The following UBASH3A variants were observed in gnomAD, a reference collection of about 807,000 sequenced individuals.
UBASH3A encodes the protein ubiquitin-associated and SH3 domain-containing protein A.
In UBASH3A, 63 loss-of-function variants were observed where a neutral mutation model predicts 73.5. The observed-to-expected ratio is 0.86, with a 90% confidence interval of 0.70 to 1.06. UBASH3A has a LOEUF of 1.06. UBASH3A is among the 50% of genes least tolerant of loss of function. The probability of loss-of-function intolerance (pLI) is 0.00; values close to 1 mark genes in which losing one functional copy is unlikely to be tolerated. For synonymous variants in UBASH3A, 363 were observed against 351.1 expected, an observed-to-expected ratio of 1.03 and a Z score of -0.38; for missense variants, 860 against 859.0, an observed-to-expected ratio of 1.00 and a Z score of -0.02.
At chr21:42,432,229 G>C in intron 9 of UBASH3A, 27 bp downstream of exon 9, 8 of 1,501,988 alleles carry the variant, frequency 5.3e-6, no homozygotes, top group Non-Finnish European at 7.4e-6. Context: ...CGGGTCTACG[G>C]ACAGAAACAC....
chr21:42,445,873 G>A (rs979006339), intron 14 of UBASH3A, among the ~76,000 whole-genome samples: 4 of 152,118 alleles, frequency 2.6e-5, no homozygotes, highest in Non-Finnish European at 5.9e-5. Flanking sequence ...ACTGGTAGAG[G>A]TCTGCATGGA....
chr21:42,414,941 G>A (rs1256258681), intron 5 of UBASH3A, among the ~76,000 whole-genome samples: 1 of 152,202 alleles, frequency 6.6e-6, no homozygotes, highest in Non-Finnish European at 1.5e-5. Flanking sequence ...ACTTCCTGTG[G>A]GAGCCAGCGT....
intron 11 of UBASH3A, among the ~76,000 whole-genome samples, chr21:42,439,913 C>T (rs1019564793): frequency 6.8e-6 from 1 of 146,114 alleles, no homozygotes; most frequent in Non-Finnish European, 1.5e-5. Context: ...ACACCACACA[C>T]CTCACACACA....
Position 42,418,506 on chromosome 21 carries a change from G to A in UBASH3A, c.943G>A (p.Glu315Lys), listed in dbSNP as rs2053268647. ...CCCCACGCAGCAGGACGAAGCCAGC[G>A]AGGGCTGGGTGATTGGGATCTCACA... is the stretch of plus-strand genomic sequence containing the variant. The part of the protein sequence containing the change: ...VDPTQQDEAS[E>K]GWVIGISQRT... The change falls in exon 7 of 15, where the codon GAG becomes AAG. Residue 315 changes from glutamate (E) to lysine (K), a missense_variant. Transcript: ENST00000319294. 7 of 1,614,124 alleles carry A rather than the reference G, an allele frequency of 4.3e-6. No individual in the cohort carries two copies. Among genetic ancestry groups the A allele is most frequent in the Non-Finnish European group, 5.9e-6 (7 of 1,180,036 alleles).
rs1427839998 is a variant in UBASH3A at position 42,426,582 on chromosome 21, CT to C, written c.1047-112del. The C allele has an allele frequency of 4.7e-6, 6 of 1,271,418 alleles. No homozygotes were observed. In the Admixed American group the frequency reaches 6.6e-5, roughly 14 times the overall value. The allele number at this position is 1,271,418 out of a possible 1,614,324, so 78.8% of individuals were successfully genotyped here. On this transcript the variant is annotated intron_variant, in intron 7 of 14. Coordinates refer to ENST00000319294, the MANE Select transcript of UBASH3A (RefSeq NM_018961.4). Reference sequence around the variant, plus strand: ...TACTTCATTTTGTGCTCATGGGAACCTTTCTGCTGAGGTTGTCCCGGACATT... The same window carrying C: ...TACTTCATTTTGTGCTCATGGGAACCTTCTGCTGAGGTTGTCCCGGACATT...
At chr21:42,441,100 G>T (rs959457683) in intron 11 of UBASH3A, among the ~76,000 whole-genome samples, 1 of 151,876 alleles carries the variant, frequency 6.6e-6, no homozygotes, top group African/African-American at 2.4e-5. Context: ...TGTTTAAAGG[G>T]CATGGGTTTA....
At chr21:42,442,393 T>C in intron 11 of UBASH3A, 59 bp from the exon 12 acceptor site, 11 of 1,567,038 alleles carry the variant, frequency 7.0e-6, no homozygotes, top group Non-Finnish European at 9.6e-6. Flanking sequence ...GGAGACTTAT[T>C]TATGCAAAGT....
At chr21:42,404,363 A>G (rs531219896) in intron 1 of UBASH3A, among the ~76,000 whole-genome samples, 2 of 150,356 alleles carry the variant, frequency 1.3e-5, no homozygotes, top group African/African-American at 4.8e-5. Flanking sequence ...AAATTGGTAA[A>G]CTTTCTTAAA....
At chr21:42,446,205 A>G (rs1274412414) in intron 14 of UBASH3A, among the ~76,000 whole-genome samples, 1 of 152,114 alleles carries the variant, frequency 6.6e-6, no homozygotes, top group African/African-American at 2.4e-5. Context: ...AAACTCCTGG[A>G]CTTTCTTATG....
chr21:42,445,972 G>A (rs115611056), intron 14 of UBASH3A, among the ~76,000 whole-genome samples: 184 of 152,232 alleles, frequency 1.2e-3, no homozygotes, highest in African/African-American at 4.0e-3. Context: ...CCACACATGC[G>A]CTCTGATGCA....
At chr21:42,440,508 C>G (rs1041163468) in intron 11 of UBASH3A, among the ~76,000 whole-genome samples, 1 of 152,192 alleles carries the variant, frequency 6.6e-6, no homozygotes, top group Admixed American at 6.5e-5. Flanking sequence ...CTCAGTTTCC[C>G]CTCTTCTCCC....
intron 2 of UBASH3A, among the ~76,000 whole-genome samples, chr21:42,409,220 G>C (rs571729429): frequency 2.6e-5 from 4 of 152,196 alleles, no homozygotes; most frequent in Non-Finnish European, 5.9e-5. Flanking sequence ...CACTGACCAG[G>C]TCTGTGCCAC....
chr21:42,421,487 G>C (rs949086303), intron 7 of UBASH3A, among the ~76,000 whole-genome samples: 1 of 152,130 alleles, frequency 6.6e-6, no homozygotes, highest in African/African-American at 2.4e-5. Flanking sequence ...AGCTTCTCTA[G>C]GGTTCCCCTC....
At chr21:42,434,346 G>C in intron 9 of UBASH3A, among the ~76,000 whole-genome samples, 1 of 71,208 alleles carries the variant, frequency 1.4e-5, no homozygotes, top group African/African-American at 4.9e-5. Context: ...GTCCCAGTGA[G>C]CCCACTTCCA....
At chr21:42,444,335 G>A (rs374770730) in intron 13 of UBASH3A, among the ~76,000 whole-genome samples, 199 bp from the exon 14 acceptor site, 83 of 152,312 alleles carry the variant, frequency 5.4e-4, no homozygotes, top group African/African-American at 1.9e-3. Context: ...CAGCTGCTGC[G>A]TGCAGAGGAA....
At chr21:42,445,651 GGTCATT>G (rs1327974386) in intron 14 of UBASH3A, among the ~76,000 whole-genome samples, 2 of 152,198 alleles carry the variant, frequency 1.3e-5, no homozygotes, top group African/African-American at 4.8e-5. Flanking sequence ...GCCTGCCGTG[GGTCATT>G]GTCACTCAGC....
intron 8 of UBASH3A, among the ~76,000 whole-genome samples, chr21:42,431,216 G>A (rs905590869): frequency 3.3e-5 from 5 of 152,122 alleles, no homozygotes; most frequent in Admixed American, 6.5e-5. Context: ...GGAGAAGGGT[G>A]GCCTAGCCCC....
chr21:42,434,140 G>GGGTGTTACCTCACTGACACCTCGC (rs2053585489), intron 9 of UBASH3A, among the ~76,000 whole-genome samples: 1 of 152,086 alleles, frequency 6.6e-6, no homozygotes, highest in Non-Finnish European at 1.5e-5. Flanking sequence ...TCTGGGCTAT[G>GGGTGTTACCTCACTGACACCTCGC]GGTGTTACCT....
intron 5 of UBASH3A, 105 bp from the exon 6 acceptor site, chr21:42,416,337 T>C: frequency 8.0e-7 from 1 of 1,252,466 alleles, no homozygotes; most frequent in Non-Finnish European, 1.1e-6. Context: ...AAATGAGCTC[T>C]GAGTTCTGAG....
Sources: allele counts gnomAD v4.1 joint callset (sites outside exome capture counted in the v4.1 genomes callset), GRCh38; gene constraint gnomAD v4.1.1; transcripts MANE v1.5; gene names NCBI Gene and HGNC (gene_info 2026-07-23, HGNC 2026-07-21).